RABGEF1: variants seen among roughly 807,000 people sequenced by gnomAD.
RABGEF1 encodes RAB guanine nucleotide exchange factor 1.
RABGEF1 carries 26 observed loss-of-function variants against 57.3 expected under a neutral mutation model. That is an observed-to-expected ratio of 0.45 (90% CI 0.33 to 0.63). The LOEUF (loss-of-function observed/expected upper bound fraction) is 0.63. Ranked by LOEUF, RABGEF1 falls within the 20% of genes least tolerant of loss-of-function variation. The probability of loss-of-function intolerance (pLI) is 0.02; values close to 1 mark genes in which losing one functional copy is unlikely to be tolerated. For synonymous variants in RABGEF1, 185 were observed against 210.7 expected (o/e 0.88, Z 1.06); for missense variants, 464 against 607.6 (o/e 0.76, Z 2.48).
upstream of RABGEF1, among the ~76,000 whole-genome samples, chr7:66,680,869 G>T (rs1188070751): frequency 6.6e-6 from 1 of 152,020 alleles, no homozygotes; most frequent in Non-Finnish European, 1.5e-5. Flanking sequence ...ATCACTTGAG[G>T]TCACGATTCC....
At chr7:66,663,664 C>T in the RABGEF1 span, among the ~76,000 whole-genome samples, 3 of 151,406 alleles carry the variant, frequency 2.0e-5, no homozygotes, top group Admixed American at 6.6e-5. Context: ...GTGGGTGCAG[C>T]GCACCAGCAT....
chr7:66,665,704 G>A, the RABGEF1 span, among the ~76,000 whole-genome samples: 1 of 152,192 alleles, frequency 6.6e-6, no homozygotes, highest in African/African-American at 2.4e-5. Context: ...ACACTCCAAA[G>A]GTGACGTTCC....
At chr7:66,732,213 G>A (rs1225638987) in intron 2 of RABGEF1, among the ~76,000 whole-genome samples, 2 of 152,208 alleles carry the variant, frequency 1.3e-5, no homozygotes, top group Non-Finnish European at 2.9e-5. Flanking sequence ...GTCCATAAGC[G>A]AGCCCTGGGT....
At chr7:66,721,780 C>T (rs1796077422) in intron 2 of RABGEF1, among the ~76,000 whole-genome samples, 1 of 152,116 alleles carries the variant, frequency 6.6e-6, no homozygotes, top group South Asian at 2.1e-4. Flanking sequence ...CCAGCTTGGC[C>T]AACGTGGTAG....
At chr7:66,744,716 C>G (rs190980691) in intron 1 of RABGEF1, among the ~76,000 whole-genome samples, 1 of 150,738 alleles carries the variant, frequency 6.6e-6, no homozygotes, top group East Asian at 2.0e-4. Flanking sequence ...ATACTCATTT[C>G]CTAGTTGTTT....
At chr7:66,771,685 A>G (rs1401116335) in intron 1 of RABGEF1, among the ~76,000 whole-genome samples, 198 bp from the exon 2 acceptor site, 2 of 151,700 alleles carry the variant, frequency 1.3e-5, no homozygotes, top group Admixed American at 6.6e-5. Flanking sequence ...TTTCTTTAAT[A>G]TGGCTGTGTC....
intron 1 of RABGEF1, among the ~76,000 whole-genome samples, chr7:66,711,289 C>G (rs2117386422): frequency 6.6e-6 from 1 of 152,188 alleles, no homozygotes; most frequent in South Asian, 2.1e-4. Context: ...GATGTTGTAT[C>G]TAAGAACTCT....
intron 4 of RABGEF1, among the ~76,000 whole-genome samples, chr7:66,785,861 G>A (rs1468012233): frequency 1.3e-5 from 2 of 149,304 alleles, no homozygotes; most frequent in South Asian, 2.2e-4. Flanking sequence ...ATGACAGAGC[G>A]AGACTCCATC....
Position 66,809,820 on chromosome 7 carries a change from CT to C in RABGEF1, c.*539del, listed in dbSNP as rs1316146246. On this transcript the variant is annotated 3_prime_UTR_variant, in exon 9 of 9. Transcript: ENST00000284957. The stretch of plus-strand genomic sequence containing the variant: ...AAAATGAAGTATATTGAATGTTTGC[CT>C]TTAGCACCATTTTATTTGGTTTGTC... The C allele has an allele frequency of 6.6e-6, 1 of 152,442 alleles. No homozygotes were observed. The highest frequency in any genetic ancestry group is 1.5e-5 in the Non-Finnish European group (1 of 68,056). 9.4% of individuals were successfully genotyped at this position (152,442 alleles called of 1,614,324 possible).
In RABGEF1 at chr7:66,705,876, A is replaced by ATT. The variant is rs201838145; in HGVS notation, c.-872-6255_-872-6254dup. Reference sequence around the variant, plus strand: ...GGGCACACACCACCACACCCAGCTAATTTTTTTTTTTTTTTTTTTTTTTTT... The same window carrying ATT: ...GGGCACACACCACCACACCCAGCTAATTTTTTTTTTTTTTTTTTTTTTTTTTT... On this transcript the variant is annotated intron_variant and NMD_transcript_variant, in intron 1 of 9. Transcript: ENST00000607882. Among the ~76,000 whole-genome samples, 7 of 45,150 alleles carry ATT rather than the reference A, an allele frequency of 1.6e-4. 2 individuals carry two copies. Among genetic ancestry groups the ATT allele is most frequent in the Non-Finnish European group, 2.7e-4 (7 of 25,950 alleles). The allele number at this position is 45,150 out of a possible 152,430, so 29.6% of individuals were successfully genotyped here.
intron 1 of RABGEF1, among the ~76,000 whole-genome samples, chr7:66,749,592 A>T (rs1477093368): frequency 6.6e-6 from 1 of 151,980 alleles, no homozygotes; most frequent in Non-Finnish European, 1.5e-5. Context: ...GAGGTCAGGT[A>T]TTAGAGGCTG....
rs551888314 is a variant in RABGEF1 at position 66,765,996 on chromosome 7, T to G, written c.-17-5887T>G. 3.3e-5 allele frequency among the ~76,000 whole-genome samples: 5 copies of G among 152,296 alleles called. 1 individual carries two copies. The South Asian group carries it at 6.2e-4, about 19-fold the overall frequency. ...ATTGATCTATACTTAAAAATAGGTA[T>G]CTTCCTTTTGCCCATTTCTCTTGGA... On this transcript the variant is annotated intron_variant, in intron 1 of 8. Coordinates refer to ENST00000284957, the MANE Select transcript of RABGEF1 (RefSeq NM_014504.3).
At chr7:66,759,031 A>G (rs1322990964) in intron 1 of RABGEF1, among the ~76,000 whole-genome samples, 7 of 152,204 alleles carry the variant, frequency 4.6e-5, no homozygotes, top group Admixed American at 2.0e-4. Flanking sequence ...CAGGAAATTG[A>G]TATTTGTGCA....
chr7:66,751,594 T>C (rs1370335871), intron 1 of RABGEF1, among the ~76,000 whole-genome samples: 1 of 152,144 alleles, frequency 6.6e-6, no homozygotes, highest in Non-Finnish European at 1.5e-5. Context: ...TGAGGTTGTG[T>C]TGCAGGTTGG....
intron 4 of RABGEF1, among the ~76,000 whole-genome samples, chr7:66,789,559 T>C (rs1281762577): frequency 2.6e-5 from 4 of 151,740 alleles, no homozygotes; most frequent in African/African-American, 9.7e-5. Flanking sequence ...GGCGAGCACC[T>C]GTAGTCCCAG....
intron 1 of RABGEF1, among the ~76,000 whole-genome samples, chr7:66,746,044 A>G (rs1800145583): frequency 6.6e-6 from 1 of 152,224 alleles, no homozygotes; most frequent in Non-Finnish European, 1.5e-5. Context: ...CTGTAGAAAC[A>G]TCATGTGTGT....
chr7:66,701,049 A>AAGAGGCTAGAT (rs1043340936), intron 1 of RABGEF1, among the ~76,000 whole-genome samples: 28 of 151,824 alleles, frequency 1.8e-4, no homozygotes, highest in Non-Finnish European at 3.2e-4. Flanking sequence ...TTGAATGAGG[A>AAGAGGCTAGAT]AGAGGCTAGA....
intron 2 of RABGEF1, among the ~76,000 whole-genome samples, chr7:66,723,479 AT>A (rs906765047): frequency 2.6e-5 from 4 of 152,126 alleles, no homozygotes; most frequent in Admixed American, 6.6e-5. Context: ...TCAATCTTCC[AT>A]TTTTTATGCT....
At chr7:66,778,228 T>C (rs1204573353) in intron 3 of RABGEF1, among the ~76,000 whole-genome samples, 1 of 152,264 alleles carries the variant, frequency 6.6e-6, no homozygotes, top group East Asian at 1.9e-4. Context: ...GGTGTTTTAC[T>C]TGCTTCTGTT....
Sources: gnomAD v4.1 joint callset for allele counts (sites outside exome capture counted in the v4.1 genomes callset) on GRCh38, gnomAD v4.1.1 for gene constraint, MANE v1.5 for transcripts, NCBI Gene and HGNC (gene_info 2026-07-23, HGNC 2026-07-21) for gene names.